TAF4: variants seen among roughly 807,000 people sequenced by gnomAD.
The protein encoded by TAF4 is TATA-box binding protein associated factor 4.
Under a neutral mutation model 90.3 loss-of-function variants are expected in TAF4, and 9 were observed. The ratio of observed to expected loss-of-function variants is 0.10; its 90% CI spans 0.06 to 0.17. The LOEUF (loss-of-function observed/expected upper bound fraction) is 0.17, where lower values mean the gene tolerates loss of function less well. Ranked by LOEUF, TAF4 falls within the 10% of genes least tolerant of loss-of-function variation. The pLI, the probability that TAF4 is intolerant of heterozygous loss-of-function variation, is 1.00. For synonymous variants in TAF4, 818 were observed against 638.9 expected, an observed-to-expected ratio of 1.28 and a Z score of -4.23; for missense variants, 1,351 against 1,370.7, an observed-to-expected ratio of 0.99 and a Z score of 0.23.
chr20:61,996,692 G>A (rs28382125), intron 14 of TAF4, among the ~76,000 whole-genome samples: 4 of 151,906 alleles, frequency 2.6e-5, no homozygotes, highest in East Asian at 3.9e-4. Context: ...CCAGCTACTC[G>A]GGAGGCTGAG....
chr20:61,985,902 C>CCACCATCCCCGCCCAAAGGAAG (rs1568922297), intron 14 of TAF4, among the ~76,000 whole-genome samples: 1 of 112,426 alleles, frequency 8.9e-6, no homozygotes, highest in African/African-American at 3.8e-5. Context: ...ACCAAAGGAA[C>CCACCATCCCCGCCCAAAGGAAG]CACCATCCCC....
chr20:61,980,613 A>G (rs2055534337), intron 14 of TAF4: 1 of 152,254 alleles, frequency 6.6e-6, no homozygotes, highest in Non-Finnish European at 1.5e-5. Flanking sequence ...ACACTCAGAC[A>G]CACAGCTTAG....
At chr20:62,000,850 G>T in intron 9 of TAF4, 129 bp from the exon 10 acceptor site, 1 of 865,644 alleles carries the variant, frequency 1.2e-6, no homozygotes, top group Non-Finnish European at 1.8e-6. Flanking sequence ...TGTCCTCCCC[G>T]CACCTGCACC....
At position 62,010,219 on chromosome 20, in the gene TAF4, G is replaced by A; in HGVS notation, c.1642-54C>T. 5 of 1,611,212 alleles carry A rather than the reference G, an allele frequency of 3.1e-6. No individual in the cohort carries two copies. Among genetic ancestry groups the A allele is most frequent in the East Asian group, 2.2e-5 (1 of 44,828 alleles). Reference sequence around the variant, plus strand: ...GGCATCTCACGCCACCAGCTGACGAGGGGGAGACCAGCCTCACGCCCAGCA... The same window carrying A: ...GGCATCTCACGCCACCAGCTGACGAAGGGGAGACCAGCCTCACGCCCAGCA... On this transcript the variant is annotated intron_variant, in intron 3 of 14. Coordinates refer to ENST00000252996, the MANE Select transcript of TAF4 (RefSeq NM_003185.4). The surrounding 1 kb of genome is among the most constrained non-coding windows in gnomAD (Gnocchi z 4.5).
At chr20:62,063,826 T>G (rs1480654861) in intron 1 of TAF4, among the ~76,000 whole-genome samples, 1 of 152,250 alleles carries the variant, frequency 6.6e-6, no homozygotes. Context: ...TCTCGCAGGA[T>G]GCGCCTGACA....
chr20:61,991,204 AG>A (rs2123111292), intron 14 of TAF4, among the ~76,000 whole-genome samples: 1 of 152,248 alleles, frequency 6.6e-6, no homozygotes, highest in African/African-American at 2.4e-5. Context: ...AAATCACTTG[AG>A]GTCTGGAGTT....
intron 1 of TAF4, among the ~76,000 whole-genome samples, chr20:62,054,233 A>G (rs2056047645): frequency 2.0e-5 from 3 of 152,178 alleles, no homozygotes; most frequent in Non-Finnish European, 4.4e-5. Context: ...TGAAGGAGTG[A>G]CAGGTGCCCT....
chr20:62,040,756 G>A (rs752106778), intron 1 of TAF4, among the ~76,000 whole-genome samples: 14 of 152,208 alleles, frequency 9.2e-5, no homozygotes, highest in Admixed American at 5.2e-4. Context: ...TCGCAGAGCC[G>A]CTCAGGAACA....
At chr20:62,024,236 C>T (rs547447745) in intron 1 of TAF4, among the ~76,000 whole-genome samples, 147 of 152,330 alleles carry the variant, frequency 9.7e-4, no homozygotes, top group African/African-American at 2.8e-3. Context: ...TGGACAGACA[C>T]AGGCAAACCC....
intron 1 of TAF4, among the ~76,000 whole-genome samples, chr20:62,060,072 C>G (rs1259884718): frequency 6.6e-6 from 1 of 152,244 alleles, no homozygotes; most frequent in Admixed American, 6.5e-5. Flanking sequence ...CTGCTCTGAC[C>G]AGACGCCGCC....
chr20:61,983,001 T>C (rs137954680), intron 14 of TAF4, among the ~76,000 whole-genome samples: 26 of 151,906 alleles, frequency 1.7e-4, no homozygotes, highest in African/African-American at 5.3e-4. Flanking sequence ...GCCTCCTCTA[T>C]TGGGCGGGAA....
rs758268076 is a variant in TAF4 at position 62,064,492 on chromosome 20, G to A, written c.1319C>T (p.Pro440Leu). 5 of 1,515,896 alleles carry A rather than the reference G, an allele frequency of 3.3e-6. No homozygotes were observed. The African/African-American group carries it at 4.2e-5, about 13-fold the overall frequency. 93.9% of individuals were successfully genotyped at this position (1,515,896 alleles called of 1,614,324 possible). The change falls in exon 1 of 15, where the codon CCT becomes CTT. Residue 440 changes from proline to leucine, a missense_variant. Physicochemically the swap from Pro to Leu is moderately conservative, Grantham distance 98 (BLOSUM62 -3). Coordinates refer to ENST00000252996, the MANE Select transcript of TAF4 (RefSeq NM_003185.4). ...TVLAPRLPQP[P>L]QNPTNIQNFQ... ...GTTCTGGATGTTGGTCGGGTTCTGA[G>A]GCGGCTGCGGCAAGCGGGGGGCCAG...
Position 62,006,549 on chromosome 20 carries a change from C to A in TAF4, c.2184G>T (p.Thr728=), listed in dbSNP as rs199607986. 1.3e-6 allele frequency: 2 copies of A among 1,568,598 alleles called. No homozygotes were observed. The highest frequency in any genetic ancestry group is 8.6e-7 in the Non-Finnish European group (1 of 1,160,004). ...QPPVLSLTQP[T]QVGVGKQGQP... ...GCCCCTGCTTGCCGACGCCGACCTG[C>A]GTGGGCTGCGTGAGGCTGAGCACAG... The change falls in exon 7 of 15, where the codon ACG becomes ACT. Residue 728 remains threonine (T), a synonymous_variant. Coordinates refer to ENST00000252996, the MANE Select transcript of TAF4 (RefSeq NM_003185.4). This position sits in a 1 kb window ranked among gnomAD's most constrained non-coding sequence, Gnocchi z 7.0.
rs981272249 is a variant in TAF4, at chr20:61,975,019, T to C, written c.*1149A>G. ...ATAAAAAATACTGATCAGCGTTCAGTTCACACGCGCTCGAATTAAAGTCTA... is the reference window on the plus strand; with the variant it reads ...ATAAAAAATACTGATCAGCGTTCAGCTCACACGCGCTCGAATTAAAGTCTA... On this transcript the variant is annotated 3_prime_UTR_variant, in exon 15 of 15. Coordinates refer to ENST00000252996, the MANE Select transcript of TAF4 (RefSeq NM_003185.4). The C allele has an allele frequency of 5.2e-5, 8 of 152,404 alleles. No individual in the cohort carries two copies. Among genetic ancestry groups the C allele is most frequent in the African/African-American group, 1.7e-4 (7 of 41,440 alleles). 9.4% of individuals were successfully genotyped at this position (152,404 alleles called of 1,614,324 possible).
chr20:62,032,009 G>A (rs1600852759), intron 1 of TAF4, among the ~76,000 whole-genome samples: 1 of 152,088 alleles, frequency 6.6e-6, no homozygotes. Context: ...GAGCTCCCCC[G>A]CAGCACTGTC....
At chr20:61,982,802 C>T (rs551856509) in intron 14 of TAF4, among the ~76,000 whole-genome samples, 1 of 152,318 alleles carries the variant, frequency 6.6e-6, no homozygotes, top group African/African-American at 2.4e-5. Flanking sequence ...CTCTCAGAGC[C>T]GACGGCAGGG....
At chr20:61,997,737 A>G in intron 13 of TAF4, 68 bp from the exon 14 acceptor site, 2 of 1,508,454 alleles carry the variant, frequency 1.3e-6, no homozygotes, top group Admixed American at 2.2e-5. Flanking sequence ...CAAAAGTAAT[A>G]CATAGATATG....
intron 1 of TAF4, among the ~76,000 whole-genome samples, chr20:62,043,797 T>C (rs778421138): frequency 3.3e-5 from 5 of 152,220 alleles, no homozygotes; most frequent in Non-Finnish European, 7.3e-5. Context: ...TTTGTGTTAG[T>C]ATATTCCACG....
At chr20:62,030,703 T>G (rs146912003) in intron 1 of TAF4, among the ~76,000 whole-genome samples, 150 of 152,372 alleles carry the variant, frequency 9.8e-4, no homozygotes, top group African/African-American at 3.5e-3. Context: ...AAAACAAATT[T>G]CGTCCAAAAA....
Sources: gnomAD v4.1 joint callset for allele counts (sites outside exome capture counted in the v4.1 genomes callset) on GRCh38, gnomAD v4.1.1 for gene constraint, Gnocchi (gnomAD v3.1) non-coding constraint, MANE v1.5 for transcripts, NCBI Gene and HGNC (gene_info 2026-07-23, HGNC 2026-07-21) for gene names.